The following SPRTN variants were observed in gnomAD, a reference collection of about 807,000 sequenced individuals.
SPRTN encodes the protein SprT-like N-terminal domain, also known as DNA-dependent metalloprotease SPRTN.
In SPRTN, 11 loss-of-function variants were observed where a neutral mutation model predicts 31.9. That is an observed-to-expected ratio of 0.34 (90% CI 0.22 to 0.57). SPRTN has a LOEUF of 0.57. Ranked by LOEUF, SPRTN falls within the 20% of genes least tolerant of loss-of-function variation. The pLI, the probability that SPRTN is intolerant of heterozygous loss-of-function variation, is 0.86. For missense variants in SPRTN, 482 were observed against 590.1 expected, an observed-to-expected ratio of 0.82 and a Z score of 1.90; for synonymous variants, 185 against 212.1, an observed-to-expected ratio of 0.87 and a Z score of 1.11.
intron 3 of SPRTN, among the ~76,000 whole-genome samples, chr1:231,348,403 T>C (rs1186962999): frequency 6.6e-6 from 1 of 152,148 alleles, no homozygotes; most frequent in Non-Finnish European, 1.5e-5. Flanking sequence ...AATTATTAAC[T>C]TTCCTATGCC....
At position 231,347,659 on chromosome 1, in the gene SPRTN, C is replaced by T. The variant is rs114433487; in HGVS notation, c.322-138C>T. ...GATTACAGGTGTGAGCCACTGCACC[C>T]GGCCTAGAATGAGTTTTATCAGTTC... On this transcript the variant is annotated intron_variant, in intron 2 of 4. Coordinates refer to ENST00000295050, the MANE Select transcript of SPRTN (RefSeq NM_032018.7). The T allele has an allele frequency of 8.8e-3, 9,165 of 1,036,092 alleles. 68 individuals carry two copies. The highest frequency in any genetic ancestry group is 0.013 in the South Asian group (660 of 51,826). 64.2% of individuals were successfully genotyped at this position (1,036,092 alleles called of 1,614,324 possible). A position where few individuals can be genotyped will look rare whatever the true frequency, so the allele number is the denominator to read the frequency against.
intron 2 of SPRTN, among the ~76,000 whole-genome samples, chr1:231,345,103 T>TTTTTCTTTTC (rs562926501): frequency 5.9e-5 from 9 of 152,084 alleles, no homozygotes; most frequent in Admixed American, 2.0e-4. Context: ...TGTCTTTTTC[T>TTTTTCTTTTC]TTTTCTTTTC....
Position 231,355,003 on chromosome 1 carries a change from A to G in SPRTN, c.*1642A>G, listed in dbSNP as rs1475772378. On this transcript the variant is annotated 3_prime_UTR_variant, in exon 5 of 5. Coordinates refer to ENST00000295050, the MANE Select transcript of SPRTN (RefSeq NM_032018.7). ...TTCCTTAAAGCATTAAAACATTTTA[A>G]TAAATACTTATAAATAGGTATTAAA... 26 of 701,754 alleles carry G rather than the reference A, an allele frequency of 3.7e-5. No homozygotes were observed. Among genetic ancestry groups the G allele is most frequent in the Non-Finnish European group, 4.4e-5 (25 of 571,494 alleles). 43.5% of individuals were successfully genotyped at this position (701,754 alleles called of 1,614,324 possible).
In SPRTN at chr1:231,342,849, G is replaced by A. The variant is rs186672813; in HGVS notation, c.321+2981G>A. On this transcript the variant is annotated intron_variant, in intron 2 of 4. Coordinates refer to ENST00000295050, the MANE Select transcript of SPRTN (RefSeq NM_032018.7). Reference sequence around the variant, plus strand: ...TCCCGGGTTCAGGCCATTCTCCTGCGTCAGCCTCCCACATAGCTGGGACTA... The same window carrying A: ...TCCCGGGTTCAGGCCATTCTCCTGCATCAGCCTCCCACATAGCTGGGACTA... Among the ~76,000 whole-genome samples the A allele has an allele frequency of 2.3e-3, 355 of 151,380 alleles. 1 individual carries two copies. The highest frequency in any genetic ancestry group is 6.8e-3 in the Middle Eastern group (2 of 294).
intron 4 of SPRTN, 183 bp downstream of exon 4, chr1:231,351,754 T>C: frequency 7.1e-7 from 1 of 1,412,876 alleles, no homozygotes; most frequent in East Asian, 2.6e-5. Context: ...AAACAGACTT[T>C]GCTCTGTACA....
chr1:231,340,321 C>G (rs1488908137), intron 2 of SPRTN, among the ~76,000 whole-genome samples: 2 of 152,088 alleles, frequency 1.3e-5, no homozygotes, highest in Admixed American at 6.6e-5. Flanking sequence ...GAGCCGAGAT[C>G]GCGCCACTGC....
intron 2 of SPRTN, among the ~76,000 whole-genome samples, chr1:231,343,149 C>G (rs763040254): frequency 1.1e-4 from 16 of 152,016 alleles, no homozygotes; most frequent in Non-Finnish European, 1.9e-4. Flanking sequence ...TGTGCAGGTT[C>G]GTTGCCTAGG....
rs1388077756 is a variant in SPRTN at position 231,352,842 on chromosome 1, C to T, written c.951C>T (p.Ser317=). ...CAAGTAAAAATTCTCATCTGGTCTC[C>T]CCTGCTGTTAGTAACAGTCACCAAA... ...NGSSKNSHLV[S]PAVSNSHQNV... The change falls in exon 5 of 5, where the codon TCC becomes TCT. Residue 317 remains serine, a synonymous_variant. Transcript: ENST00000295050. The T allele has an allele frequency of 6.2e-7, 1 of 1,613,958 alleles. No individual in the cohort carries two copies. Among genetic ancestry groups the T allele is most frequent in the South Asian group, 1.1e-5 (1 of 91,070 alleles).
intron 1 of SPRTN, chr1:231,339,481 C>T (rs1686795730): frequency 3.2e-6 from 2 of 628,960 alleles, no homozygotes. Flanking sequence ...ACACCAGGTA[C>T]GGTCCTGGCG....
intron 2 of SPRTN, among the ~76,000 whole-genome samples, chr1:231,345,232 C>G (rs896695761): frequency 6.6e-6 from 1 of 151,728 alleles, no homozygotes; most frequent in Non-Finnish European, 1.5e-5. Flanking sequence ...GGTGATTCTC[C>G]TGCCTCTGCC....
chr1:231,352,381 C>G (rs556182226), intron 4 of SPRTN: 1 of 1,201,386 alleles, frequency 8.3e-7, no homozygotes, highest in African/African-American at 1.6e-5. Flanking sequence ...TGATAAGATT[C>G]TTTATTTAAA....
chr1:231,346,357 C>CA (rs1371492293), intron 2 of SPRTN, among the ~76,000 whole-genome samples: 3 of 149,154 alleles, frequency 2.0e-5, no homozygotes, highest in African/African-American at 7.4e-5. Flanking sequence ...TATGCCCAGC[C>CA]AAAATTTTTT....
In SPRTN at chr1:231,354,451, A is replaced by G; in HGVS notation, c.*1090A>G. 1 of 918,546 alleles carries G rather than the reference A, an allele frequency of 1.1e-6. No individual in the cohort carries two copies. Among genetic ancestry groups the G allele is most frequent in the South Asian group, 5.0e-5 (1 of 19,932 alleles). The allele number at this position is 918,546 out of a possible 1,614,324, so 56.9% of individuals were successfully genotyped here. On this transcript the variant is annotated 3_prime_UTR_variant, in exon 5 of 5. Coordinates refer to ENST00000295050, the MANE Select transcript of SPRTN (RefSeq NM_032018.7). Reference sequence around the variant, plus strand: ...ACAAATCTTAAGTGCACAGCTGGGTAAACTTTTACAGTGTTCACCTGTGTA... The same window carrying G: ...ACAAATCTTAAGTGCACAGCTGGGTGAACTTTTACAGTGTTCACCTGTGTA...
Position 231,338,353 on chromosome 1 carries a change from C to T in SPRTN, c.-31C>T. ...GCGTAACTGGGGAGCCAGCCTGACGCCGGCGGACCCCGCCTGTGATCCTGG... is the reference window on the plus strand; with the variant it reads ...GCGTAACTGGGGAGCCAGCCTGACGTCGGCGGACCCCGCCTGTGATCCTGG... On this transcript the variant is annotated 5_prime_UTR_variant, in exon 1 of 5. Transcript: ENST00000295050. 6.2e-7 allele frequency: 1 copy of T among 1,609,420 alleles called. No homozygotes were observed.
intron 3 of SPRTN, 84 bp downstream of exon 3, chr1:231,348,009 G>A: frequency 4.6e-6 from 7 of 1,518,492 alleles, no homozygotes; most frequent in Non-Finnish European, 5.3e-6. Flanking sequence ...AGAGAACTAG[G>A]TAGAAACAAG....
intron 4 of SPRTN, chr1:231,351,809 T>G: frequency 8.8e-7 from 1 of 1,134,300 alleles, no homozygotes; most frequent in Non-Finnish European, 1.1e-6. Flanking sequence ...ATTTTTATTT[T>G]TATTAACTTT....
In SPRTN at chr1:231,354,597, CCAT is replaced by C. The variant is rs1230671339; in HGVS notation, c.*1238_*1240del. ...TCCAGAGGTCCCCACTGTTTTCACCCCATCGTCGCAGATTATTTTTTAATTTTA... is the reference window on the plus strand; with the variant it reads ...TCCAGAGGTCCCCACTGTTTTCACCCCGTCGCAGATTATTTTTTAATTTTA... On this transcript the variant is annotated 3_prime_UTR_variant, in exon 5 of 5. Transcript: ENST00000295050. 1.3e-5 allele frequency: 2 copies of C among 156,688 alleles called. No individual in the cohort carries two copies. The highest frequency in any genetic ancestry group is 6.5e-5 in the Admixed American group (1 of 15,288). 9.7% of individuals were successfully genotyped at this position (156,688 alleles called of 1,614,324 possible).
At chr1:231,346,183 C>CT (rs71583771) in intron 2 of SPRTN, among the ~76,000 whole-genome samples, 1,198 of 88,994 alleles carry the variant, frequency 0.013, 45 homozygotes, top group East Asian at 0.075. Context: ...CTTTTCTTTT[C>CT]TTTTTTTTTT....
rs1687289752 is a variant in SPRTN at position 231,353,085 on chromosome 1, T to C, written c.1194T>C (p.Ser398=). The C allele has an allele frequency of 6.2e-7, 1 of 1,613,970 alleles. No individual in the cohort carries two copies. ...CTGTGATGCCATCCCAGGATGTGAG[T>C]GGGTCTGAAGATACATTCCCAAATA... The part of the protein sequence containing the change: ...SASVMPSQDV[S]GSEDTFPNKR... The change falls in exon 5 of 5, where the codon AGT becomes AGC. Residue 398 remains serine, a synonymous_variant. Transcript: ENST00000295050.
Sources: allele counts gnomAD v4.1 joint callset (sites outside exome capture counted in the v4.1 genomes callset), GRCh38; gene constraint gnomAD v4.1.1; transcripts MANE v1.5; gene names NCBI Gene and HGNC (gene_info 2026-07-23, HGNC 2026-07-21).